SV2C: variants seen among roughly 807,000 people sequenced by gnomAD.
SV2C encodes the protein solute carrier family 22 member B3.
SV2C carries 49 observed loss-of-function variants against 79.7 expected under a neutral mutation model. That is an observed-to-expected ratio of 0.61 (90% CI 0.49 to 0.78). The LOEUF (loss-of-function observed/expected upper bound fraction) is 0.78, where lower values mean the gene tolerates loss of function less well. SV2C is among the 30% of genes least tolerant of loss of function. The pLI, the probability that SV2C is intolerant of heterozygous loss-of-function variation, is 0.00. For synonymous variants in SV2C, 334 were observed against 333.2 expected, an observed-to-expected ratio of 1.00 and a Z score of -0.03; for missense variants, 833 against 912.9, an observed-to-expected ratio of 0.91 and a Z score of 1.13.
At chr5:76,172,297 G>C (rs1232553643) in intron 2 of SV2C, among the ~76,000 whole-genome samples, 1 of 110,224 alleles carries the variant, frequency 9.1e-6, no homozygotes, top group Non-Finnish European at 2.0e-5. Flanking sequence ...GTGGGGGGGG[G>C]GGTCAGCCCC....
Position 76,250,756 on chromosome 5 carries a change from G to A in SV2C, c.914-34406G>A, listed in dbSNP as rs992739949. Among the ~76,000 whole-genome samples, 13 of 152,276 alleles carry A rather than the reference G, an allele frequency of 8.5e-5. No individual in the cohort carries two copies. The South Asian group carries it at 1.5e-3, about 17-fold the overall frequency. Reference sequence around the variant, plus strand: ...GCTGGCTCAGTACTAAGCAGAAAACGATATCATCAAGAGCAAAACCCAATT... The same window carrying A: ...GCTGGCTCAGTACTAAGCAGAAAACAATATCATCAAGAGCAAAACCCAATT... On this transcript the variant is annotated intron_variant, in intron 4 of 12. Coordinates refer to ENST00000502798, the MANE Select transcript of SV2C (RefSeq NM_014979.4).
the SV2C span, among the ~76,000 whole-genome samples, chr5:75,979,009 C>T: frequency 1.3e-5 from 2 of 152,058 alleles, no homozygotes; most frequent in African/African-American, 4.8e-5. Context: ...TGCAATGACA[C>T]ACGTAGCCTC....
At chr5:76,150,630 T>TTTTTC (rs1749575793) in intron 2 of SV2C, among the ~76,000 whole-genome samples, 1 of 87,706 alleles carries the variant, frequency 1.1e-5, no homozygotes, top group Admixed American at 1.1e-4. Flanking sequence ...CAAATTCTTT[T>TTTTTC]TTTTTTTTTT....
intron 1 of SV2C, among the ~76,000 whole-genome samples, chr5:76,098,145 G>T (rs1747627421): frequency 6.6e-6 from 1 of 152,156 alleles, no homozygotes; most frequent in African/African-American, 2.4e-5. Flanking sequence ...GAATCTGGTG[G>T]TTTCTTTCTA....
At chr5:75,916,172 C>T in the SV2C span, among the ~76,000 whole-genome samples, 3 of 152,302 alleles carry the variant, frequency 2.0e-5, no homozygotes, top group South Asian at 4.2e-4. Flanking sequence ...TTGAACATTG[C>T]AGAAGATGCT....
intron 4 of SV2C, among the ~76,000 whole-genome samples, chr5:76,238,423 G>A (rs904248128): frequency 1.3e-5 from 2 of 152,110 alleles, no homozygotes; most frequent in African/African-American, 4.8e-5. Flanking sequence ...GTTTTGGGAT[G>A]GGAGTGATCC....
intron 3 of SV2C, among the ~76,000 whole-genome samples, chr5:76,199,199 A>C (rs974956527): frequency 2.9e-4 from 44 of 152,308 alleles, no homozygotes; most frequent in African/African-American, 1.0e-3. Context: ...TAAGATTCTC[A>C]TCCTAGAGAC....
the SV2C span, among the ~76,000 whole-genome samples, chr5:75,926,778 T>A: frequency 6.6e-6 from 1 of 152,182 alleles, no homozygotes. Flanking sequence ...TGGTAAACAC[T>A]CACAGTTGAG....
chr5:76,280,192 G>A (rs987298186), intron 4 of SV2C, among the ~76,000 whole-genome samples: 14 of 152,044 alleles, frequency 9.2e-5, no homozygotes, highest in African/African-American at 3.4e-4. Flanking sequence ...ACAAACAAAT[G>A]GAGAGAGAAA....
At chr5:76,224,370 G>A (rs1437500952) in intron 4 of SV2C, among the ~76,000 whole-genome samples, 2 of 152,128 alleles carry the variant, frequency 1.3e-5, no homozygotes, top group Non-Finnish European at 2.9e-5. Flanking sequence ...GTGTGTATGT[G>A]TGTATTTCTT....
intron 4 of SV2C, among the ~76,000 whole-genome samples, chr5:76,281,605 T>G (rs537616404): frequency 7.2e-5 from 11 of 152,204 alleles, no homozygotes; most frequent in Admixed American, 1.3e-4. Context: ...ATCAAAAGTT[T>G]AAACGGATTC....
chr5:75,883,860 A>G, the SV2C span, among the ~76,000 whole-genome samples: 1 of 151,990 alleles, frequency 6.6e-6, no homozygotes, highest in Admixed American at 6.6e-5. Flanking sequence ...AAAAACAAAA[A>G]AAAAACATTT....
intron 4 of SV2C, among the ~76,000 whole-genome samples, chr5:76,265,284 T>A (rs1291576103): frequency 1.3e-5 from 2 of 152,158 alleles, no homozygotes; most frequent in African/African-American, 4.8e-5. Flanking sequence ...GCCTTAGTAA[T>A]GGCGGACGCC....
At chr5:75,920,281 G>A in the SV2C span, among the ~76,000 whole-genome samples, 1 of 152,172 alleles carries the variant, frequency 6.6e-6, no homozygotes, top group East Asian at 1.9e-4. Context: ...TTTGGTCACT[G>A]ATTTTGGATT....
intron 2 of SV2C, among the ~76,000 whole-genome samples, chr5:76,164,374 AT>A (rs1380448051): frequency 6.6e-6 from 1 of 152,234 alleles, no homozygotes; most frequent in African/African-American, 2.4e-5. Context: ...GTTAGGGACC[AT>A]TATTTGTGTC....
the SV2C span, among the ~76,000 whole-genome samples, chr5:75,905,819 T>C: frequency 6.6e-6 from 1 of 151,598 alleles, no homozygotes; most frequent in Non-Finnish European, 1.5e-5. Context: ...TGTTCTGCCA[T>C]CTGCACAGGG....
chr5:75,886,257 A>G, the SV2C span, among the ~76,000 whole-genome samples: 2 of 152,134 alleles, frequency 1.3e-5, no homozygotes, highest in African/African-American at 2.4e-5. Flanking sequence ...TTTAATTCTT[A>G]CTAGGAAAGT....
the SV2C span, among the ~76,000 whole-genome samples, chr5:76,052,102 C>T: frequency 6.6e-6 from 1 of 152,150 alleles, no homozygotes; most frequent in African/African-American, 2.4e-5. Flanking sequence ...CAAGTCTTGA[C>T]ACCATTGGGA....
chr5:75,848,681 C>T, the SV2C span, among the ~76,000 whole-genome samples: 1 of 152,098 alleles, frequency 6.6e-6, no homozygotes, highest in African/African-American at 2.4e-5. Context: ...CTGGTTGTGT[C>T]TCAAGATAGG....
Sources: allele counts gnomAD v4.1 joint callset (sites outside exome capture counted in the v4.1 genomes callset), GRCh38; gene constraint gnomAD v4.1.1; transcripts MANE v1.5; gene names NCBI Gene and HGNC (gene_info 2026-07-23, HGNC 2026-07-21).